Variants in PCGF3 observed in about 807,000 individuals in gnomAD.
PCGF3 encodes the protein polycomb group ring finger 3, also known as polycomb group RING finger protein 3.
PCGF3 carries 7 observed loss-of-function variants against 33.1 expected under a neutral mutation model. The ratio of observed to expected loss-of-function variants is 0.21; its 90% CI spans 0.12 to 0.40. PCGF3 has a LOEUF of 0.40. Ranked by LOEUF, PCGF3 falls within the 10% of genes least tolerant of loss-of-function variation. The probability of loss-of-function intolerance (pLI) is 1.00; values close to 1 mark genes in which losing one functional copy is unlikely to be tolerated. For missense variants in PCGF3, 211 were observed against 313.3 expected (o/e 0.67, Z 2.46); for synonymous variants, 153 against 121.3 (o/e 1.26, Z -1.72).
intron 8 of PCGF3, among the ~76,000 whole-genome samples, chr4:749,628 A>G (rs1373733665): frequency 6.6e-6 from 1 of 151,446 alleles, no homozygotes; most frequent in East Asian, 1.9e-4. Flanking sequence ...CTGGGATTAC[A>G]GGCACACCCC....
chr4:734,062 AGCCGCTGTGACAGTGCTCACT>A, intron 4 of PCGF3: 5 of 1,550,760 alleles, frequency 3.2e-6, no homozygotes, highest in Non-Finnish European at 4.4e-6. Context: ...CAAGGCCAGT[AGCCGCTGTGACAGTGCTCACT>A]GCTGGCAGTT....
intron 7 of PCGF3, chr4:744,004 T>G (rs1299444790): frequency 6.0e-6 from 1 of 165,938 alleles, no homozygotes; most frequent in African/African-American, 2.4e-5. Context: ...TTGAGGACAT[T>G]TTATTTTCCT....
At chr4:757,147 CTT>C (rs966660408) in intron 8 of PCGF3, 8 of 152,254 alleles carry the variant, frequency 5.3e-5, no homozygotes, top group Admixed American at 3.9e-4. Flanking sequence ...ATATTTTCTT[CTT>C]GTTTTCCTTC....
chr4:715,818 C>G (rs1742803587), intron 1 of PCGF3, among the ~76,000 whole-genome samples: 3 of 79,900 alleles, frequency 3.8e-5, no homozygotes, highest in Non-Finnish European at 5.5e-5. Flanking sequence ...AGTGTGAGAA[C>G]TGGGCGTGGG....
At chr4:753,745 C>G (rs183079509) in intron 8 of PCGF3, among the ~76,000 whole-genome samples, 1 of 151,826 alleles carries the variant, frequency 6.6e-6, no homozygotes, top group Admixed American at 6.6e-5. Flanking sequence ...CTCAGGAGTG[C>G]GAGACCAGCC....
In PCGF3 at chr4:766,028, C is replaced by A; in HGVS notation, c.682-4C>A. On this transcript the variant is annotated splice_region_variant and splice_polypyrimidine_tract_variant and intron_variant, in intron 10 of 10. Transcript: ENST00000362003. Reference sequence around the variant, plus strand: ...CAGGCACTGTGCGTTCTTGTGTCTTCCAGAAGGCGCCGCTCCTGCTGCACT... The same window carrying A: ...CAGGCACTGTGCGTTCTTGTGTCTTACAGAAGGCGCCGCTCCTGCTGCACT... 6.2e-7 allele frequency: 1 copy of A among 1,613,962 alleles called. No individual in the cohort carries two copies. Among genetic ancestry groups the A allele is most frequent in the Non-Finnish European group, 8.5e-7 (1 of 1,179,840 alleles).
intron 1 of PCGF3, among the ~76,000 whole-genome samples, chr4:727,361 C>T (rs1318793454): frequency 6.6e-6 from 1 of 151,046 alleles, no homozygotes; most frequent in African/African-American, 2.4e-5. Flanking sequence ...CTGCCTCAGC[C>T]TCTCGAACAG....
chr4:730,294 A>G (rs971854497), intron 1 of PCGF3, among the ~76,000 whole-genome samples: 1 of 151,054 alleles, frequency 6.6e-6, no homozygotes, highest in Admixed American at 6.6e-5. Context: ...CCTGAAATTC[A>G]CCCCTCCTCT....
At chr4:733,876 G>A (rs755037013) in intron 4 of PCGF3, 87 bp downstream of exon 4, 7 of 1,605,920 alleles carry the variant, frequency 4.4e-6, no homozygotes, top group East Asian at 2.3e-5. Context: ...GTTACCACAC[G>A]CTTTTAGCTC....
chr4:724,857 T>C (rs183649772), intron 1 of PCGF3, among the ~76,000 whole-genome samples: 318 of 150,494 alleles, frequency 2.1e-3, no homozygotes, highest in Non-Finnish European at 2.8e-3. Flanking sequence ...CCCAGCTACA[T>C]GGGAGGCTGA....
At chr4:766,764 C>T (rs567711044) in exon 11 of PCGF3, 4 of 152,318 alleles carry the variant, frequency 2.6e-5, no homozygotes, top group Non-Finnish European at 4.4e-5. Flanking sequence ...CACACCCAGC[C>T]CTGGAAACGG....
chr4:710,564 G>A (rs1487418693), intron 1 of PCGF3, among the ~76,000 whole-genome samples: 1 of 152,248 alleles, frequency 6.6e-6, no homozygotes, highest in Admixed American at 6.5e-5. Context: ...GCGATTGCGT[G>A]TGGAGTGACG....
At chr4:744,637 C>T (rs1285667043) in exon 8 of PCGF3, 12 of 1,562,036 alleles carry the variant, frequency 7.7e-6, no homozygotes, top group East Asian at 2.4e-5. Flanking sequence ...ACAAAGAGGC[C>T]GCGGAGGAGA....
chr4:734,353 C>A, intron 4 of PCGF3: 1 of 1,423,806 alleles, frequency 7.0e-7, no homozygotes, highest in Non-Finnish European at 9.2e-7. Flanking sequence ...CCGCTGTGTG[C>A]GTCTCTTGAT....
exon 11 of PCGF3, chr4:766,120 T>C: frequency 2.5e-6 from 4 of 1,582,460 alleles, no homozygotes; most frequent in Non-Finnish European, 3.5e-6. Flanking sequence ...CCTCGCACCC[T>C]TGGGTGCTCC....
chr4:754,731 G>C (rs552391967), intron 8 of PCGF3, among the ~76,000 whole-genome samples: 105 of 152,286 alleles, frequency 6.9e-4, no homozygotes, highest in Middle Eastern at 3.4e-3. Flanking sequence ...GTGTGCTGTG[G>C]GATGCAGCCT....
At chr4:733,319 C>G (rs904790887) in intron 3 of PCGF3, among the ~76,000 whole-genome samples, 4 of 152,218 alleles carry the variant, frequency 2.6e-5, no homozygotes, top group African/African-American at 9.6e-5. Context: ...TCCTCCTGCT[C>G]CTTCCGCTTT....
intron 1 of PCGF3, among the ~76,000 whole-genome samples, chr4:718,501 A>G (rs905402872): frequency 6.6e-6 from 1 of 152,192 alleles, no homozygotes; most frequent in African/African-American, 2.4e-5. Flanking sequence ...AAAAAATGAG[A>G]GCTGATGTGC....
chr4:755,904 C>CT (rs570528684), intron 8 of PCGF3, among the ~76,000 whole-genome samples: 1,539 of 87,124 alleles, frequency 0.018, 307 homozygotes, highest in South Asian at 0.023. Context: ...CAGAATTGTC[C>CT]TTTTTTTTTT....
Sources: gnomAD v4.1 joint callset for allele counts (sites outside exome capture counted in the v4.1 genomes callset) on GRCh38, gnomAD v4.1.1 for gene constraint, MANE v1.5 for transcripts, NCBI Gene and HGNC (gene_info 2026-07-23, HGNC 2026-07-21) for gene names.